The following ZNF37A variants were observed in gnomAD, a reference collection of about 807,000 sequenced individuals.
The protein encoded by ZNF37A is zinc finger protein 37A, also known as zinc finger protein 37a (KOX 21).
ZNF37A carries 10 observed loss-of-function variants against 12.3 expected under a neutral mutation model. That is an observed-to-expected ratio of 0.82 (90% CI 0.50 to 1.38). ZNF37A has a LOEUF of 1.38. Ranked by LOEUF, ZNF37A falls within the 40% of genes most tolerant of loss-of-function variation. ZNF37A has a pLI of 0.00. For missense variants in ZNF37A, 580 were observed against 651.2 expected (o/e 0.89, Z 1.19); for synonymous variants, 207 against 223.0 (o/e 0.93, Z 0.64).
chr10:38,112,409 G>C (rs1327735518), intron 5 of ZNF37A, among the ~76,000 whole-genome samples: 2 of 152,062 alleles, frequency 1.3e-5, no homozygotes, highest in East Asian at 3.9e-4. Flanking sequence ...GGAATGCTAA[G>C]CATGTGGGAG....
chr10:38,096,218 T>C (rs547885168), intron 4 of ZNF37A, among the ~76,000 whole-genome samples: 9 of 152,152 alleles, frequency 5.9e-5, no homozygotes, highest in South Asian at 2.1e-4. Context: ...CCACATCGCT[T>C]TTTTCAAAAC....
intron 5 of ZNF37A, among the ~76,000 whole-genome samples, chr10:38,110,853 G>C (rs977389024): frequency 3.9e-5 from 6 of 152,172 alleles, no homozygotes; most frequent in African/African-American, 1.4e-4. Flanking sequence ...AGAGGATATA[G>C]AGAAATAGGA....
At chr10:38,112,797 T>TGGTCTTGGTCTTGGTCTTG (rs1322840046) in intron 5 of ZNF37A, among the ~76,000 whole-genome samples, 1 of 57,540 alleles carries the variant, frequency 1.7e-5, no homozygotes, top group Non-Finnish European at 4.0e-5. Context: ...TTTCTTTTCT[T>TGGTCTTGGTCTTGGTCTTG]GTCTTGTCTT....
At chr10:38,107,211 A>G (rs1012192689) in intron 5 of ZNF37A, among the ~76,000 whole-genome samples, 8 of 152,230 alleles carry the variant, frequency 5.3e-5, no homozygotes, top group African/African-American at 1.9e-4. Context: ...AGCATTCTTA[A>G]AGAAAAGAAT....
At chr10:38,111,947 G>A (rs1362077257) in intron 5 of ZNF37A, among the ~76,000 whole-genome samples, 1 of 135,456 alleles carries the variant, frequency 7.4e-6, no homozygotes, top group Non-Finnish European at 1.6e-5. Context: ...GTCTCACTTT[G>A]CCACCCAGGC....
intron 5 of ZNF37A, among the ~76,000 whole-genome samples, chr10:38,101,989 A>T (rs1266602498): frequency 1.3e-5 from 2 of 151,352 alleles, no homozygotes; most frequent in African/African-American, 4.9e-5. Context: ...CACCTGGCTA[A>T]TTTTTGTATA....
At position 38,119,215 on chromosome 10, in the gene ZNF37A, A is replaced by G. The variant is rs2136042335; in HGVS notation, c.*378A>G. Reference sequence around the variant, plus strand: ...AATACCTGAGAAGACACACTTGGAGAAACCTTTTGGGTGTAATGAATGTGG... The same window carrying G: ...AATACCTGAGAAGACACACTTGGAGGAACCTTTTGGGTGTAATGAATGTGG... On this transcript the variant is annotated 3_prime_UTR_variant, in exon 8 of 8. Coordinates refer to ENST00000685332, the MANE Select transcript of ZNF37A (RefSeq NM_001324250.3). 1.9e-6 allele frequency: 2 copies of G among 1,033,402 alleles called. No homozygotes were observed. Among genetic ancestry groups the G allele is most frequent in the Non-Finnish European group, 2.4e-6 (2 of 850,190 alleles). The allele number at this position is 1,033,402 out of a possible 1,614,324, so 64.0% of individuals were successfully genotyped here.
chr10:38,096,110 G>A (rs176869), intron 4 of ZNF37A, among the ~76,000 whole-genome samples: 1 of 152,030 alleles, frequency 6.6e-6, no homozygotes, highest in South Asian at 2.1e-4. Context: ...GCGGTGAGTC[G>A]AGATCATGCC....
chr10:38,149,571 C>CTTTTTTTTTT lies in ZNF37A; in HGVS notation c.*2763_*2772dup, dbSNP rs549404724. On this transcript the variant is annotated 3_prime_UTR_variant, in exon 8 of 8. Transcript: ENST00000638053. ...CACCTTCCAACATTCTACAGTTGTG[C>CTTTTTTTTTT]TTTTTTTTTTTTTTTTTTTTTGAGA... 3.2e-4 allele frequency: 31 copies of CTTTTTTTTTT among 95,706 alleles called. 2 individuals carry two copies. Among genetic ancestry groups the CTTTTTTTTTT allele is most frequent in the African/African-American group, 7.4e-4 (18 of 24,404 alleles). The allele number at this position is 95,706 out of a possible 1,614,324, so 5.9% of individuals were successfully genotyped here.
In ZNF37A at chr10:38,112,750, CTTTTCTTTTCTTTTCTTT is replaced by C. The variant is rs1564931959; in HGVS notation, c.16-2003_16-1986del. ...CATCCATTTTCTTTTCTTTTCTTTT[CTTTTCTTTTCTTTTCTTT>C]TCTTTTCTTTTCTTTTCTTTTCTTT... is the stretch of plus-strand genomic sequence containing the variant. On this transcript the variant is annotated intron_variant, in intron 5 of 7. Transcript: ENST00000685332. Among the ~76,000 whole-genome samples, 95 of 47,326 alleles carry C rather than the reference CTTTTCTTTTCTTTTCTTT, an allele frequency of 2.0e-3. 7 individuals are homozygous for C. The highest frequency in any genetic ancestry group is 3.7e-3 in the African/African-American group (44 of 11,986). 31.0% of individuals were successfully genotyped at this position (47,326 alleles called of 152,430 possible).
At chr10:38,099,191 T>A (rs1175583442) in intron 5 of ZNF37A, among the ~76,000 whole-genome samples, 3 of 152,194 alleles carry the variant, frequency 2.0e-5, no homozygotes, top group Non-Finnish European at 4.4e-5. Flanking sequence ...AGCAGTGTTA[T>A]GTATGTGTAT....
Position 38,118,366 on chromosome 10 carries a change from C to A in ZNF37A, c.1215C>A (p.His405Gln). ...KSDLIKHQRI[H>Q]TGEKPYECNE... ...ACCTCATTAAACATCAAAGAATACA[C>A]ACAGGTGAAAAACCTTATGAATGTA... Residue 405 changes from histidine to glutamine, a missense_variant, in exon 8 of 8, where the codon CAC (histidine) becomes CAA (glutamine). Coordinates refer to ENST00000685332, the MANE Select transcript of ZNF37A (RefSeq NM_001324250.3). 1.2e-6 allele frequency: 2 copies of A among 1,613,704 alleles called. No homozygotes were observed. The highest frequency in any genetic ancestry group is 1.7e-6 in the Non-Finnish European group (2 of 1,179,960).
chr10:38,106,726 T>C (rs1296505982), intron 5 of ZNF37A, among the ~76,000 whole-genome samples: 2 of 151,774 alleles, frequency 1.3e-5, no homozygotes, highest in Admixed American at 1.3e-4. Flanking sequence ...TATCAATAGC[T>C]GAATCAATCA....
chr10:38,102,158 A>C (rs914645656), intron 5 of ZNF37A, among the ~76,000 whole-genome samples: 2 of 152,060 alleles, frequency 1.3e-5, no homozygotes, highest in Non-Finnish European at 2.9e-5. Flanking sequence ...TCTGTCTTTT[A>C]GTTGGGAGTT....
At chr10:38,135,415 A>G (rs1218003409) in intron 7 of ZNF37A, among the ~76,000 whole-genome samples, 2 of 152,154 alleles carry the variant, frequency 1.3e-5, no homozygotes, top group African/African-American at 4.8e-5. Context: ...TTTTTCTACA[A>G]TTTCATCCTA....
exon 8 of ZNF37A, chr10:38,146,759 G>A: frequency 2.5e-6 from 1 of 398,530 alleles, no homozygotes; most frequent in Non-Finnish European, 4.4e-6. Flanking sequence ...TCAGGACCTG[G>A]GCCTGCATGG....
chr10:38,129,316 A>AAAAAAAAAAC (rs1432210552), downstream of ZNF37A, among the ~76,000 whole-genome samples: 1 of 142,430 alleles, frequency 7.0e-6, no homozygotes, highest in Admixed American at 7.0e-5. Flanking sequence ...AAAAAAAAAA[A>AAAAAAAAAAC]AAAAAACTAT....
At chr10:38,102,772 C>G (rs1252796834) in intron 5 of ZNF37A, among the ~76,000 whole-genome samples, 1 of 152,118 alleles carries the variant, frequency 6.6e-6, no homozygotes, top group Admixed American at 6.5e-5. Context: ...TTCTGTTGAT[C>G]TAGGAATGTT....
At chr10:38,146,872 G>A (rs576692643) in exon 8 of ZNF37A, 13 of 397,080 alleles carry the variant, frequency 3.3e-5, no homozygotes, top group African/African-American at 1.2e-4. Context: ...AGTGGGAATC[G>A]GGGATAACAG....
Sources: allele counts gnomAD v4.1 joint callset (sites outside exome capture counted in the v4.1 genomes callset), GRCh38; gene constraint gnomAD v4.1.1; transcripts MANE v1.5; gene names NCBI Gene and HGNC (gene_info 2026-07-23, HGNC 2026-07-21).